Variants in ZFP69B observed in about 807,000 individuals in gnomAD.
ZFP69B encodes the protein zinc finger protein 69 homolog B.
Under a neutral mutation model 19.7 loss-of-function variants are expected in ZFP69B, and 20 were observed. The observed-to-expected ratio is 1.02, with a 90% CI of 0.71 to 1.48. The LOEUF (loss-of-function observed/expected upper bound fraction) is 1.48, where lower values mean the gene tolerates loss of function less well. Among genes scored for constraint, ZFP69B ranks in the 40% most tolerant of loss-of-function variants. ZFP69B has a pLI of 0.00. For missense variants in ZFP69B, 583 were observed against 632.6 expected (o/e 0.92, Z 0.84); for synonymous variants, 220 against 222.7 (o/e 0.99, Z 0.11).
intron 1 of ZFP69B, among the ~76,000 whole-genome samples, chr1:40,451,664 G>GT (rs374304177): frequency 4.8e-4 from 66 of 138,364 alleles, no homozygotes; most frequent in Non-Finnish European, 8.3e-4. Flanking sequence ...GGGGGGGGGG[G>GT]AATTCATTTG....
At chr1:40,459,751 G>A (rs569621623) in intron 4 of ZFP69B, among the ~76,000 whole-genome samples, 2 of 152,138 alleles carry the variant, frequency 1.3e-5, no homozygotes, top group South Asian at 2.1e-4. Flanking sequence ...CCTAGTCCCT[G>A]TAATCAGTAA....
At chr1:40,450,196 G>C (rs891002216), upstream of ZFP69B, 6 of 152,408 alleles carry the variant, frequency 3.9e-5, no homozygotes, top group Non-Finnish European at 5.9e-5. Context: ...GGCTGTCCCG[G>C]GCTTGGGGAG....
At position 40,463,182 on chromosome 1, in the gene ZFP69B, T is replaced by G. The variant is rs1645308186; in HGVS notation, c.1198T>G (p.Phe400Val). ...TACATGCAAAGACTGTGGAAAAGCG[T>G]TTTTCCAGATTAGACACCTTAGGCA... is the stretch of plus-strand genomic sequence containing the variant. ...PFTCKDCGKA[F>V]FQIRHLRQHE... Residue 400 changes from phenylalanine to valine, a missense_variant, in exon 5 of 5, where the codon TTT becomes GTT. Physicochemically the swap from Phe to Val is conservative, Grantham distance 50. Coordinates refer to ENST00000361584, the MANE Select transcript of ZFP69B (RefSeq NM_023070.3). 6.2e-7 allele frequency: 1 copy of G among 1,613,912 alleles called. No individual in the cohort carries two copies. The highest frequency in any genetic ancestry group is 8.5e-7 in the Non-Finnish European group (1 of 1,180,014).
In ZFP69B at chr1:40,463,604, C is replaced by A. The variant is rs376819093; in HGVS notation, c.*15C>A. 15 of 1,559,582 alleles carry A rather than the reference C, an allele frequency of 9.6e-6. No individual in the cohort carries two copies. In the African/African-American group the frequency reaches 1.8e-4, roughly 18 times the overall value. ...ATGTTGTGTGAAATATACTAAACAT[C>A]AAAGAATCTATGTTGGAGCACAAGA... On this transcript the variant is annotated 3_prime_UTR_variant, in exon 5 of 5. Transcript: ENST00000361584.
intron 2 of ZFP69B, among the ~76,000 whole-genome samples, chr1:40,455,134 T>C (rs1645221247): frequency 6.6e-6 from 1 of 152,072 alleles, no homozygotes; most frequent in Non-Finnish European, 1.5e-5. Flanking sequence ...ATGAGCTAAA[T>C]AGGCTAAGCA....
At position 40,450,971 on chromosome 1, in the gene ZFP69B, C is replaced by G. The variant is rs1247281532; in HGVS notation, c.10C>G (p.Gln4Glu). Residue 4 changes from glutamine (Q) to glutamate (E), a missense_variant, in exon 1 of 5, where the codon CAG (glutamine) becomes GAG (glutamate). Coordinates refer to ENST00000361584, the MANE Select transcript of ZFP69B (RefSeq NM_023070.3). MLQ[Q>E]LLITLPTEAS... is the part of the protein sequence containing the mutation. ...GAGTGCGGACGCCGTCATGCTGCAG[C>G]AGCTCCTGATCACCCTGCCCACCGA... The G allele has an allele frequency of 6.5e-7, 1 of 1,548,578 alleles. No homozygotes were observed. Among genetic ancestry groups the G allele is most frequent in the Non-Finnish European group, 8.7e-7 (1 of 1,145,622 alleles).
In ZFP69B at chr1:40,463,443, G is replaced by A. The variant is rs754439873; in HGVS notation, c.1459G>A (p.Asp487Asn). 2.5e-6 allele frequency: 4 copies of A among 1,614,064 alleles called. No homozygotes were observed. In the South Asian group the frequency reaches 4.4e-5, roughly 18 times the overall value. ...CSHCGKAFRHDSSFAKHQRIH... is the reference protein window; with the variant it reads ...CSHCGKAFRHNSSFAKHQRIH... Reference sequence around the variant, plus strand: ...TCATTGTGGGAAAGCCTTTAGGCATGATTCATCCTTTGCTAAACATCAGAG... The same window carrying A: ...TCATTGTGGGAAAGCCTTTAGGCATAATTCATCCTTTGCTAAACATCAGAG... Residue 487 changes from aspartate (D) to asparagine (N), a missense_variant, in exon 5 of 5, where the codon GAT becomes AAT. Asp to Asn is a conservative substitution (Grantham distance 23). Transcript: ENST00000361584.
Position 40,463,695 on chromosome 1 carries a change from T to A in ZFP69B, c.*106T>A. 6 of 1,105,188 alleles carry A rather than the reference T, an allele frequency of 5.4e-6. No individual in the cohort carries two copies. The highest frequency in any genetic ancestry group is 3.2e-5 in the African/African-American group (2 of 62,876). The allele number at this position is 1,105,188 out of a possible 1,614,324, so 68.5% of individuals were successfully genotyped here. On this transcript the variant is annotated 3_prime_UTR_variant, in exon 5 of 5. Transcript: ENST00000361584. ...GTTTTTGGATTTCCAAAAACGAACA[T>A]TAAAAAAAAATGGTTTGGCACAATG... is the stretch of plus-strand genomic sequence containing the variant.
In ZFP69B at chr1:40,462,329, A is replaced by C; in HGVS notation, c.437-92A>C. 4 of 1,153,992 alleles carry C rather than the reference A, an allele frequency of 3.5e-6. No individual in the cohort carries two copies. In the South Asian group the frequency reaches 4.8e-5, roughly 14 times the overall value. The allele number at this position is 1,153,992 out of a possible 1,614,324, so 71.5% of individuals were successfully genotyped here. ...AGGATGATCCAGAACTCCTGTACCT[A>C]GTATATATATTTTGTCCTTCCATTC... is the stretch of plus-strand genomic sequence containing the variant. On this transcript the variant is annotated intron_variant, in intron 4 of 4. Coordinates refer to ENST00000361584, the MANE Select transcript of ZFP69B (RefSeq NM_023070.3).
At chr1:40,452,973 T>TG (rs1289003058) in intron 1 of ZFP69B, among the ~76,000 whole-genome samples, 1 of 121,940 alleles carries the variant, frequency 8.2e-6, no homozygotes, top group East Asian at 2.4e-4. Flanking sequence ...TAATTCCTAG[T>TG]GGTTTTTTTT....
At position 40,454,269 on chromosome 1, in the gene ZFP69B, C is replaced by T. The variant is rs754861172; in HGVS notation, c.194C>T (p.Ser65Phe). The T allele has an allele frequency of 1.3e-6, 2 of 1,593,134 alleles. No homozygotes were observed. The highest frequency in any genetic ancestry group is 2.3e-5 in the East Asian group (1 of 44,294). The change falls in exon 2 of 5, where the codon TCC (serine) becomes TTC (phenylalanine). Residue 65 changes from serine (S) to phenylalanine (F), a missense_variant. Coordinates refer to ENST00000361584, the MANE Select transcript of ZFP69B (RefSeq NM_023070.3). Reference protein sequence around the residue: ...ESLESRVTLGSLTAESQELLT... With the variant: ...ESLESRVTLGFLTAESQELLT... ...TTAGAGAGTAGAGTGACCCTTGGAT[C>T]CCTGACAGCAGAATCCCAGGTGGGT...
intron 2 of ZFP69B, among the ~76,000 whole-genome samples, chr1:40,456,511 TTTA>T (rs1557507731): frequency 6.6e-6 from 1 of 152,206 alleles, no homozygotes; most frequent in Admixed American, 6.5e-5. Context: ...CTCTCATACT[TTTA>T]TTATTAACAG....
chr1:40,462,140 G>A lies in ZFP69B; in HGVS notation c.437-281G>A, dbSNP rs375961526. ...CCTTTATGTTGCCCAGGCTGGTCTCGAACTCCTGGGCTCAAGCAATCCTCC... is the reference window on the plus strand; with the variant it reads ...CCTTTATGTTGCCCAGGCTGGTCTCAAACTCCTGGGCTCAAGCAATCCTCC... On this transcript the variant is annotated intron_variant, in intron 4 of 4. Transcript: ENST00000361584. Among the ~76,000 whole-genome samples the A allele has an allele frequency of 1.3e-4, 20 of 151,938 alleles. No individual in the cohort carries two copies. In the East Asian group the frequency reaches 2.3e-3, roughly 18 times the overall value.
chr1:40,451,738 A>C (rs1301473851), intron 1 of ZFP69B, among the ~76,000 whole-genome samples: 5 of 152,138 alleles, frequency 3.3e-5, no homozygotes, highest in Non-Finnish European at 7.3e-5. Flanking sequence ...TATGGGAATG[A>C]ATGTGCATTT....
intron 4 of ZFP69B, among the ~76,000 whole-genome samples, chr1:40,461,561 G>A (rs1216571919): frequency 3.3e-5 from 5 of 152,094 alleles, no homozygotes; most frequent in Non-Finnish European, 4.4e-5. Context: ...TTGGGAGGCC[G>A]AGGCAGGTGG....
At chr1:40,461,477 G>A (rs1218279997) in intron 4 of ZFP69B, among the ~76,000 whole-genome samples, 1 of 151,840 alleles carries the variant, frequency 6.6e-6, no homozygotes, top group Non-Finnish European at 1.5e-5. Context: ...GAGAAATATG[G>A]GCTTGAGATG....
intron 1 of ZFP69B, among the ~76,000 whole-genome samples, chr1:40,452,266 G>A (rs1645193375): frequency 6.6e-6 from 1 of 152,180 alleles, no homozygotes; most frequent in Admixed American, 6.5e-5. Flanking sequence ...TAAATGGCAA[G>A]GAATGAACAT....
chr1:40,453,533 A>G (rs1645204918), intron 1 of ZFP69B, among the ~76,000 whole-genome samples: 1 of 152,206 alleles, frequency 6.6e-6, no homozygotes, highest in Admixed American at 6.5e-5. Flanking sequence ...ACTTTACTTG[A>G]ACTGGGCCTG....
At chr1:40,458,567 A>G (rs1336343519) in intron 4 of ZFP69B, among the ~76,000 whole-genome samples, 2 of 146,098 alleles carry the variant, frequency 1.4e-5, no homozygotes, top group Admixed American at 7.0e-5. Flanking sequence ...CCCAGGCTGG[A>G]GTGCCGTGGT....
Sources: allele counts gnomAD v4.1 joint callset (sites outside exome capture counted in the v4.1 genomes callset), GRCh38; gene constraint gnomAD v4.1.1; transcripts MANE v1.5; gene names NCBI Gene and HGNC (gene_info 2026-07-23, HGNC 2026-07-21).